Variants in MTUS2 observed in about 807,000 individuals in gnomAD.
The protein encoded by MTUS2 is microtubule-associated tumor suppressor candidate 2.
A neutral mutation model predicts 114.1 loss-of-function variants in MTUS2; 40 were observed. The observed-to-expected ratio is 0.35, with a 90% CI of 0.27 to 0.46. The LOEUF (loss-of-function observed/expected upper bound fraction) is 0.46. MTUS2 is among the 20% of genes least tolerant of loss of function. MTUS2 has a pLI of 1.00. For synonymous variants in MTUS2, 688 were observed against 672.0 expected (o/e 1.02, Z -0.37); for missense variants, 1,679 against 1,705.4 (o/e 0.98, Z 0.27).
At chr13:28,918,877 ATATCT>A (rs1177272344) in intron 2 of MTUS2, among the ~76,000 whole-genome samples, 3 of 152,168 alleles carry the variant, frequency 2.0e-5, no homozygotes, top group South Asian at 2.1e-4. Flanking sequence ...CTTGCAAATA[ATATCT>A]TATAGCCTAT....
At chr13:29,329,238 C>T (rs543923090) in intron 7 of MTUS2, among the ~76,000 whole-genome samples, 1 of 152,134 alleles carries the variant, frequency 6.6e-6, no homozygotes, top group South Asian at 2.1e-4. Flanking sequence ...CCCATGAACC[C>T]ATTACCTGCA....
intron 5 of MTUS2, among the ~76,000 whole-genome samples, chr13:29,248,262 G>T (rs1161717749): frequency 1.3e-5 from 2 of 152,018 alleles, no homozygotes; most frequent in Non-Finnish European, 2.9e-5. Flanking sequence ...TGGGAGGGGG[G>T]TCATGGATAA....
chr13:29,381,265 A>C (rs1012613271), intron 8 of MTUS2, among the ~76,000 whole-genome samples: 2 of 152,166 alleles, frequency 1.3e-5, no homozygotes, highest in Non-Finnish European at 2.9e-5. Flanking sequence ...GTGAGAAGAA[A>C]GTTTGCAACT....
intron 7 of MTUS2, among the ~76,000 whole-genome samples, chr13:29,340,129 G>C (rs560940630): frequency 6.6e-6 from 1 of 152,296 alleles, no homozygotes; most frequent in South Asian, 2.1e-4. Flanking sequence ...CCGGTGCCTC[G>C]CGGAATTCGG....
At chr13:29,212,887 A>G (rs540895555) in intron 5 of MTUS2, among the ~76,000 whole-genome samples, 2 of 152,200 alleles carry the variant, frequency 1.3e-5, no homozygotes, top group African/African-American at 4.8e-5. Context: ...TATTAACTCA[A>G]TCTCCAGCGC....
chr13:29,029,686 T>C (rs1158833916), intron 3 of MTUS2, among the ~76,000 whole-genome samples: 1 of 152,208 alleles, frequency 6.6e-6, no homozygotes, highest in Non-Finnish European at 1.5e-5. Flanking sequence ...CTGCCTATGG[T>C]GAGGCCTCAG....
At chr13:29,000,250 G>T (rs748281659) in intron 2 of MTUS2, among the ~76,000 whole-genome samples, 49 of 152,322 alleles carry the variant, frequency 3.2e-4, no homozygotes, top group South Asian at 4.1e-4. Flanking sequence ...GGCAGGTATA[G>T]TGGTAATGAA....
intron 2 of MTUS2, among the ~76,000 whole-genome samples, chr13:28,982,898 T>G (rs1839334760): frequency 6.6e-6 from 1 of 152,138 alleles, no homozygotes; most frequent in South Asian, 2.1e-4. Context: ...GGGAATTGTT[T>G]AATAGGTATA....
intron 2 of MTUS2, among the ~76,000 whole-genome samples, chr13:28,900,721 T>C (rs943665739): frequency 6.6e-6 from 1 of 152,218 alleles, no homozygotes; most frequent in African/African-American, 2.4e-5. Flanking sequence ...AATAAAGCTG[T>C]TACGAACATA....
In MTUS2 at chr13:28,878,304, CAT is replaced by C. The variant is rs1175887468; in HGVS notation, c.-243+38456_-243+38457del. ...GTGTGTATGTGTGTACACACACACA[CAT>C]ACACACACATATACATTTTTTGTTT... On this transcript the variant is annotated intron_variant, in intron 2 of 15. Coordinates refer to ENST00000612955, the MANE Select transcript of MTUS2 (RefSeq NM_001033602.4). Among the ~76,000 whole-genome samples, 258 of 151,774 alleles carry C rather than the reference CAT, an allele frequency of 1.7e-3. 1 individual carries two copies. Among genetic ancestry groups the C allele is most frequent in the African/African-American group, 6.0e-3 (247 of 41,420 alleles).
At position 29,492,588 on chromosome 13, in the gene MTUS2, C is replaced by G. The variant is rs1011801536; in HGVS notation, c.3506-58C>G. On this transcript the variant is annotated intron_variant, in intron 11 of 15. Coordinates refer to ENST00000612955, the MANE Select transcript of MTUS2 (RefSeq NM_001033602.4). ...CAGGTCTTAAGTCTGCCAAAAGAGCCTTGTTTTATCCTTTTCAAAAGAAAG... is the reference window on the plus strand; with the variant it reads ...CAGGTCTTAAGTCTGCCAAAAGAGCGTTGTTTTATCCTTTTCAAAAGAAAG... 3.5e-6 allele frequency: 5 copies of G among 1,430,196 alleles called. No homozygotes were observed. The African/African-American group carries it at 7.1e-5, about 20-fold the overall frequency. The allele number at this position is 1,430,196 out of a possible 1,614,324, so 88.6% of individuals were successfully genotyped here. A position where few individuals can be genotyped will look rare whatever the true frequency, so the allele number is the denominator to read the frequency against.
chr13:28,917,360 T>G (rs917336514), intron 2 of MTUS2, among the ~76,000 whole-genome samples: 8 of 151,966 alleles, frequency 5.3e-5, no homozygotes, highest in African/African-American at 1.9e-4. Context: ...TTTAAATGTT[T>G]GATAGAAGTC....
chr13:29,224,522 A>C (rs952763404), intron 5 of MTUS2, among the ~76,000 whole-genome samples: 1 of 151,944 alleles, frequency 6.6e-6, no homozygotes, highest in East Asian at 1.9e-4. Context: ...TTCTAATTAT[A>C]TCTCTCCTAT....
chr13:28,829,766 G>A (rs1292846825), intron 1 of MTUS2, among the ~76,000 whole-genome samples: 1 of 152,298 alleles, frequency 6.6e-6, no homozygotes, highest in South Asian at 2.1e-4. Context: ...ACCAGTTGGG[G>A]TTAACAAGAG....
chr13:28,930,476 C>A (rs1188881307), intron 2 of MTUS2, among the ~76,000 whole-genome samples: 1 of 152,170 alleles, frequency 6.6e-6, no homozygotes, highest in African/African-American at 2.4e-5. Context: ...CTCCATAGCA[C>A]TTCTGTTTCC....
chr13:29,472,458 G>A (rs77741818), intron 9 of MTUS2, among the ~76,000 whole-genome samples: 3,400 of 152,318 alleles, frequency 0.022, 121 homozygotes, highest in African/African-American at 0.077. Flanking sequence ...TGTGTTTCAT[G>A]CAACCCACCC....
chr13:29,366,562 T>C (rs1016573715), intron 8 of MTUS2, among the ~76,000 whole-genome samples: 11 of 152,220 alleles, frequency 7.2e-5, no homozygotes, highest in African/African-American at 2.7e-4. Flanking sequence ...CTGCCCTTCC[T>C]CAGGGGGTAG....
intron 5 of MTUS2, among the ~76,000 whole-genome samples, chr13:29,163,137 C>T (rs1488430935): frequency 6.6e-6 from 1 of 152,020 alleles, no homozygotes; most frequent in African/African-American, 2.4e-5. Context: ...TCAAAAGTCT[C>T]AGTAATCAAG....
At chr13:29,041,294 C>G (rs1392364911) in intron 4 of MTUS2, among the ~76,000 whole-genome samples, 1 of 152,076 alleles carries the variant, frequency 6.6e-6, no homozygotes, top group African/African-American at 2.4e-5. Flanking sequence ...TTATTCTGTT[C>G]CATTGGTCTG....
Sources: gnomAD v4.1 joint callset for allele counts (sites outside exome capture counted in the v4.1 genomes callset) on GRCh38, gnomAD v4.1.1 for gene constraint, MANE v1.5 for transcripts, NCBI Gene and HGNC (gene_info 2026-07-23, HGNC 2026-07-21) for gene names.